Variants in ZW10 observed in about 807,000 individuals in gnomAD.
The protein encoded by ZW10 is zw10 kinetochore protein.
ZW10 carries 53 observed loss-of-function variants against 87.8 expected under a neutral mutation model. The observed-to-expected ratio is 0.60, with a 90% CI of 0.48 to 0.76. The LOEUF is 0.76. ZW10 is among the 30% of genes least tolerant of loss of function. The pLI is 0.00. For synonymous variants in ZW10, 312 were observed against 329.2 expected (o/e 0.95, Z 0.57); for missense variants, 837 against 923.0 (o/e 0.91, Z 1.21).
Position 113,747,816 on chromosome 11 carries a change from C to T in ZW10, c.1090-103G>A, listed in dbSNP as rs771850624. On this transcript the variant is annotated intron_variant, in intron 8 of 15. Coordinates refer to ENST00000200135, the MANE Select transcript of ZW10 (RefSeq NM_004724.4). ...ATAAAAAAATGAGGACCAAGCTGGTCATTTTAGAATGGACCATCAATTACT... is the reference window on the plus strand; with the variant it reads ...ATAAAAAAATGAGGACCAAGCTGGTTATTTTAGAATGGACCATCAATTACT... The T allele has an allele frequency of 1.1e-5, 10 of 929,224 alleles. No homozygotes were observed. The East Asian group carries it at 1.3e-4, about 12-fold the overall frequency. 57.6% of individuals were successfully genotyped at this position (929,224 alleles called of 1,614,324 possible).
At position 113,754,231 on chromosome 11, in the gene ZW10, T is replaced by C. The variant is rs559486547; in HGVS notation, c.925+3431A>G. Among the ~76,000 whole-genome samples the C allele has an allele frequency of 4.7e-4, 72 of 152,262 alleles. 1 individual carries two copies. The South Asian group carries it at 0.012, about 25-fold the overall frequency. ...CGGGTGCGATGGCTCACACCTGTAA[T>C]CCTAGCACTTTGGGAGGCCAAGGCA... On this transcript the variant is annotated intron_variant, in intron 7 of 15. Coordinates refer to ENST00000200135, the MANE Select transcript of ZW10 (RefSeq NM_004724.4).
intron 2 of ZW10, among the ~76,000 whole-genome samples, chr11:113,766,828 C>T (rs1398655849): frequency 6.6e-6 from 1 of 150,538 alleles, no homozygotes; most frequent in African/African-American, 2.4e-5. Context: ...ACTAGTCTGG[C>T]CAACATGGTG....
chr11:113,752,047 G>A (rs1953739316), intron 7 of ZW10, among the ~76,000 whole-genome samples: 1 of 152,188 alleles, frequency 6.6e-6, no homozygotes, highest in Non-Finnish European at 1.5e-5. Flanking sequence ...TAATGGAACT[G>A]TTGAAAGAAA....
In ZW10 at chr11:113,736,522, T is replaced by C. The variant is rs561411228; in HGVS notation, c.2219+98A>G. On this transcript the variant is annotated intron_variant, in intron 15 of 15. Transcript: ENST00000200135. ...ACTCAATATGAAAGTCTTGCATGAC[T>C]AACATCAGGAAACAGGGAAAAGCCC... 1,527 of 1,250,300 alleles carry C rather than the reference T, an allele frequency of 1.2e-3. 20 individuals are homozygous for C. Among genetic ancestry groups the C allele is most frequent in the South Asian group, 8.8e-3 (696 of 78,716 alleles). 77.5% of individuals were successfully genotyped at this position (1,250,300 alleles called of 1,614,324 possible).
At chr11:113,757,065 T>C (rs1953795262) in intron 7 of ZW10, among the ~76,000 whole-genome samples, 1 of 150,884 alleles carries the variant, frequency 6.6e-6, no homozygotes, top group Admixed American at 6.6e-5. Context: ...CTATTCAATA[T>C]GACAGCTGAG....
intron 2 of ZW10, among the ~76,000 whole-genome samples, chr11:113,765,416 T>G (rs913269557): frequency 6.6e-6 from 1 of 152,218 alleles, no homozygotes; most frequent in African/African-American, 2.4e-5. Flanking sequence ...ACCAATGGAA[T>G]GTAAACAGAA....
chr11:113,752,753 T>C (rs1232144510), intron 7 of ZW10, among the ~76,000 whole-genome samples: 2 of 152,180 alleles, frequency 1.3e-5, no homozygotes, highest in Non-Finnish European at 2.9e-5. Flanking sequence ...TCTCCTAGGG[T>C]TTCCCTATTC....
At position 113,743,814 on chromosome 11, in the gene ZW10, C is replaced by A. The variant is rs1953649974; in HGVS notation, c.1499G>T (p.Ser500Ile). 3 of 1,613,580 alleles carry A rather than the reference C, an allele frequency of 1.9e-6. No individual in the cohort carries two copies. Among genetic ancestry groups the A allele is most frequent in the Non-Finnish European group, 2.5e-6 (3 of 1,179,452 alleles). ...CCAGAATTCGTACCATTGATCACTA[C>A]TGGTTGTTGCCTCTAGTAAAGTCTG... The part of the protein sequence containing the change: ...AYQTLLEATT[S>I]SDQCAVQLFY... Residue 500 changes from serine to isoleucine, a missense_variant, in exon 10 of 16, where the codon AGT (serine) becomes ATT (isoleucine). Physicochemically the swap from Ser to Ile is moderately radical, Grantham distance 142 (BLOSUM62 -2). Transcript: ENST00000200135.
intron 2 of ZW10, among the ~76,000 whole-genome samples, chr11:113,762,907 T>TA (rs926203809): frequency 2.1e-4 from 32 of 152,116 alleles, no homozygotes; most frequent in South Asian, 4.2e-4. Context: ...TTATTTCTTC[T>TA]AAAAAAAATG....
Position 113,760,884 on chromosome 11 carries a change from A to T in ZW10, c.275T>A (p.Phe92Tyr). ...RRDLHVSTGE[F>Y]TDLKQQLERD... ...TTCCAACTGCTGCTTTAAGTCTGTAAATTCACCGGTTGATACGTGAAGATC... is the reference window on the plus strand; with the variant it reads ...TTCCAACTGCTGCTTTAAGTCTGTATATTCACCGGTTGATACGTGAAGATC... Residue 92 changes from phenylalanine to tyrosine, a missense_variant, in exon 3 of 16, where the codon TTT (phenylalanine) becomes TAT (tyrosine). Coordinates refer to ENST00000200135, the MANE Select transcript of ZW10 (RefSeq NM_004724.4). 2 of 1,614,080 alleles carry T rather than the reference A, an allele frequency of 1.2e-6. No homozygotes were observed. Among genetic ancestry groups the T allele is most frequent in the South Asian group, 1.1e-5 (1 of 91,078 alleles).
rs140469474 is a variant in ZW10 at position 113,751,918 on chromosome 11, T to C, written c.926-3498A>G. ...ATGATTCCCTTATTGCTTCACTCCA[T>C]CACGTGATAGATACCTGCATTCAGT... On this transcript the variant is annotated intron_variant, in intron 7 of 15. Transcript: ENST00000200135. Among the ~76,000 whole-genome samples, 417 of 152,172 alleles carry C rather than the reference T, an allele frequency of 2.7e-3. 2 individuals are homozygous for C. The highest frequency in any genetic ancestry group is 9.5e-3 in the African/African-American group (396 of 41,538).
At chr11:113,762,989 A>T (rs1953877435) in intron 2 of ZW10, among the ~76,000 whole-genome samples, 1 of 152,062 alleles carries the variant, frequency 6.6e-6, no homozygotes, top group Non-Finnish European at 1.5e-5. Flanking sequence ...TGCACCTATT[A>T]ACCCATCCTC....
Position 113,733,565 on chromosome 11 carries a change from T to A in ZW10, c.*129A>T, listed in dbSNP as rs746663586. Reference sequence around the variant, plus strand: ...GGCCAGGAGGTAAGACGTTCTTCTGTAAAGTCAAACTTCCAAGATGTACTG... The same window carrying A: ...GGCCAGGAGGTAAGACGTTCTTCTGAAAAGTCAAACTTCCAAGATGTACTG... On this transcript the variant is annotated 3_prime_UTR_variant, in exon 16 of 16. Transcript: ENST00000200135. 2 of 1,283,534 alleles carry A rather than the reference T, an allele frequency of 1.6e-6. No homozygotes were observed. Among genetic ancestry groups the A allele is most frequent in the Non-Finnish European group, 2.2e-6 (2 of 908,418 alleles). 79.5% of individuals were successfully genotyped at this position (1,283,534 alleles called of 1,614,324 possible).
At chr11:113,745,328 T>C (rs1953667280) in intron 9 of ZW10, among the ~76,000 whole-genome samples, 1 of 150,838 alleles carries the variant, frequency 6.6e-6, no homozygotes, top group African/African-American at 2.4e-5. Context: ...ATAAAGCATG[T>C]AGAGGCAGCA....
intron 3 of ZW10, 69 bp downstream of exon 3, chr11:113,760,748 G>A (rs1248395316): frequency 1.4e-6 from 2 of 1,401,206 alleles, no homozygotes; most frequent in East Asian, 2.3e-5. Flanking sequence ...ATTATAGTCA[G>A]GAGATAGCCA....
chr11:113,767,390 A>G (rs1352087789), intron 2 of ZW10, among the ~76,000 whole-genome samples: 1 of 152,128 alleles, frequency 6.6e-6, no homozygotes, highest in Non-Finnish European at 1.5e-5. Flanking sequence ...GAATGGAATG[A>G]AACCATGAGC....
In ZW10 at chr11:113,733,548, G is replaced by A; in HGVS notation, c.*146C>T. The A allele has an allele frequency of 9.8e-7, 1 of 1,024,458 alleles. No individual in the cohort carries two copies. The highest frequency in any genetic ancestry group is 1.5e-6 in the Non-Finnish European group (1 of 683,278). The allele number at this position is 1,024,458 out of a possible 1,614,324, so 63.5% of individuals were successfully genotyped here. Reference sequence around the variant, plus strand: ...AAACAAAGCCTCGTACAGGCCAGGAGGTAAGACGTTCTTCTGTAAAGTCAA... The same window carrying A: ...AAACAAAGCCTCGTACAGGCCAGGAAGTAAGACGTTCTTCTGTAAAGTCAA... On this transcript the variant is annotated 3_prime_UTR_variant, in exon 16 of 16. Transcript: ENST00000200135.
In ZW10 at chr11:113,748,385, T is replaced by C. The variant is rs1953702443; in HGVS notation, c.961A>G (p.Thr321Ala). 6.2e-7 allele frequency: 1 copy of C among 1,608,290 alleles called. No homozygotes were observed. Among genetic ancestry groups the C allele is most frequent in the East Asian group, 2.2e-5 (1 of 44,762 alleles). ...PLDTDLENEK[T>A]STVPLAEMLG... is the part of the protein sequence containing the mutation. ...ATCTCAGCCAATGGGACAGTAGATGTTTTTTCATTTTCCAGGTCAGTGTCA... is the reference window on the plus strand; with the variant it reads ...ATCTCAGCCAATGGGACAGTAGATGCTTTTTCATTTTCCAGGTCAGTGTCA... Residue 321 changes from threonine to alanine, a missense_variant, in exon 8 of 16, where the codon ACA becomes GCA. Physicochemically the swap from Thr to Ala is moderately conservative, Grantham distance 58. Transcript: ENST00000200135.
intron 10 of ZW10, among the ~76,000 whole-genome samples, chr11:113,742,844 G>A (rs1953636432): frequency 6.6e-6 from 1 of 152,214 alleles, no homozygotes; most frequent in Admixed American, 6.5e-5. Context: ...TGGGAGACAT[G>A]TTCTTCCTAG....
Sources: gnomAD v4.1 joint callset for allele counts (sites outside exome capture counted in the v4.1 genomes callset) on GRCh38, gnomAD v4.1.1 for gene constraint, MANE v1.5 for transcripts, NCBI Gene and HGNC (gene_info 2026-07-23, HGNC 2026-07-21) for gene names.